Variants in AATF observed in about 807,000 individuals in gnomAD.
AATF encodes protein AATF.
In AATF, 48 loss-of-function variants were observed where a neutral mutation model predicts 63.7. The observed-to-expected ratio is 0.75, with a 90% confidence interval of 0.60 to 0.96. The LOEUF is 0.96. Ranked by LOEUF, AATF falls within the 40% of genes least tolerant of loss-of-function variation. The pLI is 0.00. For missense variants in AATF, 639 were observed against 685.7 expected, an observed-to-expected ratio of 0.93 and a Z score of 0.76; for synonymous variants, 258 against 247.7, an observed-to-expected ratio of 1.04 and a Z score of -0.39.
intron 8 of AATF, among the ~76,000 whole-genome samples, chr17:37,009,811 G>A (rs1317218759): frequency 7.0e-5 from 8 of 114,840 alleles, no homozygotes; most frequent in East Asian, 2.7e-4. Context: ...GCGACAGAGC[G>A]AGACTCCGTC....
At chr17:37,019,741 G>A (rs1339803723) in intron 9 of AATF, among the ~76,000 whole-genome samples, 1 of 152,204 alleles carries the variant, frequency 6.6e-6, no homozygotes, top group East Asian at 1.9e-4. Flanking sequence ...TCTAGGCAGA[G>A]CAGCCATTCG....
intron 4 of AATF, among the ~76,000 whole-genome samples, chr17:36,955,929 A>G (rs1447527376): frequency 1.3e-5 from 2 of 151,814 alleles, no homozygotes; most frequent in Non-Finnish European, 2.9e-5. Context: ...TGCCCGACTA[A>G]TTTTTTCTTT....
In AATF at chr17:36,989,352, G is replaced by C. The variant is rs761944888; in HGVS notation, c.1255G>C (p.Val419Leu). The C allele has an allele frequency of 1.2e-6, 2 of 1,614,050 alleles. No homozygotes were observed. The highest frequency in any genetic ancestry group is 3.3e-5 in the Admixed American group (2 of 60,022). The stretch of plus-strand genomic sequence containing the variant: ...ACAGACCAAGCGCTCTGTCTATCGA[G>C]TTCTTGGCAAACCTGAGCCAGCAGC... ...RTQTKRSVYR[V>L]LGKPEPAAQP... Residue 419 changes from valine (V) to leucine (L), a missense_variant, in exon 7 of 12, where the codon GTT (valine) becomes CTT (leucine). Coordinates refer to ENST00000619387, the MANE Select transcript of AATF (RefSeq NM_012138.4).
rs987119205 is a variant in AATF at position 36,988,604 on chromosome 17, A to T, written c.1033A>T (p.Met345Leu). ...RRVPAKRKLE[M>L]EDYPSFMAKR... ...GGTCCCTGCAAAGAGGAAGCTGGAGATGGAGGACTATCCCAGCTTCATGGC... is the reference window on the plus strand; with the variant it reads ...GGTCCCTGCAAAGAGGAAGCTGGAGTTGGAGGACTATCCCAGCTTCATGGC... The change falls in exon 6 of 12, where the codon ATG (methionine) becomes TTG (leucine). Residue 345 changes from methionine (M) to leucine (L), a missense_variant. Transcript: ENST00000619387. 4 of 1,614,154 alleles carry T rather than the reference A, an allele frequency of 2.5e-6. No individual in the cohort carries two copies. In the African/African-American group the frequency reaches 5.3e-5, roughly 22 times the overall value.
intron 4 of AATF, among the ~76,000 whole-genome samples, chr17:36,955,890 G>C (rs996207576): frequency 6.6e-6 from 1 of 152,088 alleles, no homozygotes; most frequent in African/African-American, 2.4e-5. Flanking sequence ...AGCCTCCTGA[G>C]TAGCTGGTAC....
intron 4 of AATF, among the ~76,000 whole-genome samples, chr17:36,975,625 A>G (rs1272805143): frequency 6.6e-6 from 1 of 152,226 alleles, no homozygotes; most frequent in Non-Finnish European, 1.5e-5. Flanking sequence ...TGCTGCAAAT[A>G]ACATTTTTGT....
At chr17:37,034,205 A>G (rs1159652022) in intron 11 of AATF, among the ~76,000 whole-genome samples, 2 of 152,244 alleles carry the variant, frequency 1.3e-5, no homozygotes, top group Non-Finnish European at 2.9e-5. Flanking sequence ...AGACGTGTCC[A>G]TATCAACTGC....
At chr17:36,957,863 C>T (rs2070914657) in intron 4 of AATF, among the ~76,000 whole-genome samples, 1 of 152,200 alleles carries the variant, frequency 6.6e-6, no homozygotes, top group South Asian at 2.1e-4. Flanking sequence ...ATTCTAGCTC[C>T]AGTAAACTCC....
chr17:36,970,196 A>G (rs1314003129), intron 4 of AATF, among the ~76,000 whole-genome samples: 1 of 152,164 alleles, frequency 6.6e-6, no homozygotes, highest in African/African-American at 2.4e-5. Context: ...CTGCCAAGCT[A>G]TTTTCCAAAG....
intron 10 of AATF, among the ~76,000 whole-genome samples, chr17:37,028,952 A>AAT (rs146684070): frequency 0.063 from 9,521 of 151,226 alleles, 470 homozygotes; most frequent in African/African-American, 0.14. Flanking sequence ...AAATTGTGTG[A>AAT]ATATATATAT....
At chr17:37,035,143 G>A (rs1371886163) in intron 11 of AATF, among the ~76,000 whole-genome samples, 3 of 151,270 alleles carry the variant, frequency 2.0e-5, no homozygotes, top group Non-Finnish European at 4.4e-5. Context: ...AATCAAAAAA[G>A]AAAAATTTCA....
At chr17:37,001,106 C>T (rs2071290847) in intron 8 of AATF, among the ~76,000 whole-genome samples, 1 of 152,042 alleles carries the variant, frequency 6.6e-6, no homozygotes, top group South Asian at 2.1e-4. Flanking sequence ...ATTGCTTGAG[C>T]CCAGGAGTTT....
At chr17:37,040,021 C>CT (rs199789309) in intron 11 of AATF, among the ~76,000 whole-genome samples, 2,424 of 152,236 alleles carry the variant, frequency 0.016, 69 homozygotes, top group African/African-American at 0.055. Context: ...TGTAAATCCT[C>CT]TTTTTTTCCC....
intron 4 of AATF, among the ~76,000 whole-genome samples, chr17:36,978,374 G>T (rs1466022327): frequency 6.6e-6 from 1 of 152,068 alleles, no homozygotes; most frequent in Admixed American, 6.6e-5. Flanking sequence ...AGCCTATCAA[G>T]TTGTTTCCTC....
At chr17:37,021,819 A>T (rs12945605) in intron 10 of AATF, among the ~76,000 whole-genome samples, 9,592 of 96,336 alleles carry the variant, frequency 0.1, 1,242 homozygotes, top group Middle Eastern at 0.14. Context: ...AAAAAAAAAA[A>T]AATAATAATA....
intron 4 of AATF, among the ~76,000 whole-genome samples, chr17:36,960,062 G>A (rs1259329412): frequency 1.3e-5 from 2 of 151,314 alleles, no homozygotes; most frequent in African/African-American, 4.9e-5. Context: ...CGCCGAGGCT[G>A]GAGTGCAGTG....
chr17:37,051,691 CAGACAG>C (rs1430310664), intron 11 of AATF, among the ~76,000 whole-genome samples: 16 of 135,982 alleles, frequency 1.2e-4, no homozygotes, highest in African/African-American at 3.5e-4. Context: ...GACAGACAGA[CAGACAG>C]ACACACACAC....
chr17:37,051,500 C>T (rs1417252360), intron 11 of AATF, among the ~76,000 whole-genome samples: 1 of 152,104 alleles, frequency 6.6e-6, no homozygotes, highest in African/African-American at 2.4e-5. Context: ...CTGAAAGGAA[C>T]ATATTTGGGT....
At chr17:36,998,583 C>T (rs1220205402) in intron 8 of AATF, 1 of 152,144 alleles carries the variant, frequency 6.6e-6, no homozygotes, top group African/African-American at 2.4e-5. Context: ...CAGTTATAAA[C>T]TTTATTCAGT....
Sources: allele counts gnomAD v4.1 joint callset (sites outside exome capture counted in the v4.1 genomes callset), GRCh38; gene constraint gnomAD v4.1.1; transcripts MANE v1.5; gene names NCBI Gene and HGNC (gene_info 2026-07-23, HGNC 2026-07-21).